HACE1: variants seen among roughly 807,000 people sequenced by gnomAD.
The protein encoded by HACE1 is E3 ubiquitin-protein ligase HACE1.
Under a neutral mutation model 118.4 loss-of-function variants are expected in HACE1, and 73 were observed. That is an observed-to-expected ratio of 0.62 (90% CI 0.51 to 0.75). The LOEUF is 0.75. Among genes scored for constraint, HACE1 ranks in the 30% least tolerant of loss-of-function variants. The pLI is 0.00. For missense variants in HACE1, 749 were observed against 1,102.2 expected (o/e 0.68, Z 4.54); for synonymous variants, 368 against 374.8 (o/e 0.98, Z 0.21).
intron 21 of HACE1, 44 bp from the exon 22 acceptor site, chr6:104,744,274 T>G (rs752205662): frequency 1.7e-6 from 2 of 1,173,012 alleles, no homozygotes; most frequent in Non-Finnish European, 2.6e-6. Flanking sequence ...TCAGAGCAAT[T>G]GTAGACTTCT....
intron 20 of HACE1, 131 bp downstream of exon 20, chr6:104,750,210 G>T: frequency 2.7e-6 from 2 of 734,518 alleles, no homozygotes; most frequent in East Asian, 2.8e-5. Flanking sequence ...CTCTAAAAAT[G>T]GACATTAAAC....
intron 7 of HACE1, among the ~76,000 whole-genome samples, chr6:104,805,981 T>C (rs1388303778): frequency 6.6e-6 from 1 of 152,130 alleles, no homozygotes; most frequent in South Asian, 2.1e-4. Context: ...TCACCATGTA[T>C]AAGCAGGACA....
chr6:104,756,425 A>AT (rs1206730198), intron 19 of HACE1, among the ~76,000 whole-genome samples: 151 of 109,672 alleles, frequency 1.4e-3, no homozygotes, highest in East Asian at 6.7e-3. Flanking sequence ...AAAAAAAAAA[A>AT]AATATATATA....
At chr6:104,803,666 C>G (rs141091439) in intron 7 of HACE1, among the ~76,000 whole-genome samples, 15 of 152,198 alleles carry the variant, frequency 9.9e-5, no homozygotes, top group Middle Eastern at 3.4e-3. Context: ...ATTCAACAGC[C>G]CTTCATGCTA....
chr6:104,781,268 A>G (rs545130921), intron 14 of HACE1, among the ~76,000 whole-genome samples: 3 of 152,152 alleles, frequency 2.0e-5, no homozygotes, highest in African/African-American at 4.8e-5. Context: ...AATTCTTCCA[A>G]ATTTGGTAGT....
chr6:104,854,813 A>T (rs1776563958), intron 1 of HACE1, among the ~76,000 whole-genome samples: 1 of 152,224 alleles, frequency 6.6e-6, no homozygotes, highest in Non-Finnish European at 1.5e-5. Flanking sequence ...GAAAAAAGTT[A>T]TCAATATTCC....
intron 1 of HACE1, 161 bp downstream of exon 1, chr6:104,859,406 G>T (rs1445474146): frequency 3.3e-6 from 2 of 601,268 alleles, no homozygotes; most frequent in Non-Finnish European, 5.6e-6. Flanking sequence ...TCGGGCCAGG[G>T]GAGTTCGGGG....
At chr6:104,742,377 C>T (rs1233925431) in intron 22 of HACE1, among the ~76,000 whole-genome samples, 4 of 146,672 alleles carry the variant, frequency 2.7e-5, no homozygotes, top group Non-Finnish European at 6.0e-5. Flanking sequence ...AACAGGCAAC[C>T]TACAAAATGG....
intron 7 of HACE1, 62 bp downstream of exon 7, chr6:104,811,249 T>TATAC (rs2114971097): frequency 7.0e-6 from 1 of 143,130 alleles, no homozygotes; most frequent in Non-Finnish European, 1.2e-5. Context: ...TATTTATACA[T>TATAC]ATATATATAT....
At chr6:104,845,323 A>C (rs941819653) in intron 4 of HACE1, among the ~76,000 whole-genome samples, 1 of 152,160 alleles carries the variant, frequency 6.6e-6, no homozygotes, top group Admixed American at 6.5e-5. Flanking sequence ...TTGTAAGTCA[A>C]TAGCTAAAAT....
At chr6:104,843,473 CA>C (rs1258034069) in intron 4 of HACE1, among the ~76,000 whole-genome samples, 175 bp from the exon 5 acceptor site, 1 of 152,160 alleles carries the variant, frequency 6.6e-6, no homozygotes. Context: ...ACGCAAGATA[CA>C]AAACTGCTTC....
At chr6:104,843,671 A>T (rs918795139) in intron 4 of HACE1, among the ~76,000 whole-genome samples, 1 of 152,236 alleles carries the variant, frequency 6.6e-6, no homozygotes, top group African/African-American at 2.4e-5. Context: ...ATGATGTCTC[A>T]ACATTGTATC....
At chr6:104,811,120 G>T (rs553183936) in intron 7 of HACE1, among the ~76,000 whole-genome samples, 191 bp downstream of exon 7, 183 of 151,436 alleles carry the variant, frequency 1.2e-3, no homozygotes, top group Non-Finnish European at 2.2e-3. Context: ...AAAAGAGATT[G>T]TACTTCCTCT....
chr6:104,769,355 GT>G (rs1780373659), intron 19 of HACE1, among the ~76,000 whole-genome samples: 1 of 152,090 alleles, frequency 6.6e-6, no homozygotes, highest in African/African-American at 2.4e-5. Flanking sequence ...TCTGAAAGGA[GT>G]GACAAACCTC....
chr6:104,842,899 G>A (rs1775255102), intron 5 of HACE1, among the ~76,000 whole-genome samples: 1 of 152,102 alleles, frequency 6.6e-6, no homozygotes, highest in Non-Finnish European at 1.5e-5. Context: ...ATCACTTGAG[G>A]CCAGAAGTTA....
chr6:104,782,516 T>C (rs984055786), intron 14 of HACE1: 2 of 151,966 alleles, frequency 1.3e-5, no homozygotes, highest in Non-Finnish European at 2.9e-5. Context: ...AAGAAAGAAA[T>C]TGAACTTGAG....
At chr6:104,808,971 A>G (rs1183281748) in intron 7 of HACE1, among the ~76,000 whole-genome samples, 1 of 152,234 alleles carries the variant, frequency 6.6e-6, no homozygotes, top group African/African-American at 2.4e-5. Context: ...ATACAGTACT[A>G]GGAGAAAGTA....
At chr6:104,730,790 T>A (rs1775118742) in intron 22 of HACE1, 3 of 225,520 alleles carry the variant, frequency 1.3e-5, no homozygotes, top group Admixed American at 5.2e-5. Flanking sequence ...GCTAGCAAAA[T>A]GCCTGGAGTA....
At chr6:104,807,822 G>A (rs1771182056) in intron 7 of HACE1, among the ~76,000 whole-genome samples, 1 of 152,192 alleles carries the variant, frequency 6.6e-6, no homozygotes, top group South Asian at 2.1e-4. Context: ...AAACTGGCTG[G>A]AAAACCCTTT....
Sources: allele counts gnomAD v4.1 joint callset (sites outside exome capture counted in the v4.1 genomes callset), GRCh38; gene constraint gnomAD v4.1.1; transcripts MANE v1.5; gene names NCBI Gene and HGNC (gene_info 2026-07-23, HGNC 2026-07-21).